The following CORIN variants were observed in gnomAD, a reference collection of about 807,000 sequenced individuals.
The protein encoded by CORIN is corin, serine peptidase.
Under a neutral mutation model 125.3 loss-of-function variants are expected in CORIN, and 117 were observed. That is an observed-to-expected ratio of 0.93 (90% confidence interval 0.80 to 1.09). The LOEUF is 1.09. CORIN is among the 50% of genes least tolerant of loss of function. The pLI is 0.00. For missense variants in CORIN, 1,253 were observed against 1,306.7 expected (o/e 0.96, Z 0.63); for synonymous variants, 450 against 466.4 (o/e 0.96, Z 0.45).
At chr4:47,696,996 T>A (rs1726041637) in intron 5 of CORIN, among the ~76,000 whole-genome samples, 1 of 152,204 alleles carries the variant, frequency 6.6e-6, no homozygotes, top group African/African-American at 2.4e-5. Context: ...CAGTTTCAAC[T>A]CCACCTCGGA....
chr4:47,735,942 TAAAAAAAA>T (rs749270493), intron 5 of CORIN, among the ~76,000 whole-genome samples: 1 of 96,408 alleles, frequency 1.0e-5, no homozygotes, highest in Admixed American at 1.1e-4. Context: ...GACTCCATCT[TAAAAAAAA>T]AAAAAAAAAA....
chr4:47,729,969 G>A (rs770033658), intron 5 of CORIN, among the ~76,000 whole-genome samples: 32 of 152,122 alleles, frequency 2.1e-4, no homozygotes, highest in Admixed American at 8.5e-4. Flanking sequence ...CCCTGCTTCC[G>A]GCTCCCCATC....
intron 5 of CORIN, among the ~76,000 whole-genome samples, chr4:47,702,084 G>A (rs1029555913): frequency 1.1e-4 from 17 of 152,038 alleles, no homozygotes; most frequent in African/African-American, 3.4e-4. Context: ...GCTACCTTCC[G>A]AATTTGTTTT....
intron 5 of CORIN, among the ~76,000 whole-genome samples, chr4:47,733,962 G>A (rs1180230878): frequency 7.9e-5 from 12 of 152,100 alleles, no homozygotes; most frequent in Non-Finnish European, 1.8e-4. Context: ...GTGGGTTTTG[G>A]CTCGATTCAC....
intron 5 of CORIN, among the ~76,000 whole-genome samples, chr4:47,704,632 T>C (rs1726464829): frequency 6.6e-6 from 1 of 152,116 alleles, no homozygotes; most frequent in Non-Finnish European, 1.5e-5. Context: ...ATTGAGCAGA[T>C]AACGGGAAGT....
intron 15 of CORIN, 30 bp from the exon 16 acceptor site, chr4:47,642,079 A>G: frequency 6.2e-7 from 1 of 1,603,594 alleles, no homozygotes; most frequent in East Asian, 2.2e-5. Context: ...GGGAAACCCT[A>G]ATTAAAAACA....
At chr4:47,689,489 A>G (rs1430709193) in intron 6 of CORIN, among the ~76,000 whole-genome samples, 1 of 152,182 alleles carries the variant, frequency 6.6e-6, no homozygotes, top group East Asian at 1.9e-4. Context: ...CACCATCCTC[A>G]AAAATAAGTC....
chr4:47,615,104 C>G (rs1722024052), intron 19 of CORIN, among the ~76,000 whole-genome samples: 1 of 152,020 alleles, frequency 6.6e-6, no homozygotes, highest in South Asian at 2.1e-4. Flanking sequence ...ACAGCAAATA[C>G]AAAAGTCCTG....
chr4:47,753,542 C>A (rs1460290803), intron 4 of CORIN, among the ~76,000 whole-genome samples: 1 of 152,028 alleles, frequency 6.6e-6, no homozygotes, highest in African/African-American at 2.4e-5. Context: ...CGTTTATAGA[C>A]CTCCCCCCAG....
chr4:47,656,116 A>C (rs2109650451), intron 12 of CORIN, among the ~76,000 whole-genome samples: 1 of 152,092 alleles, frequency 6.6e-6, no homozygotes, highest in African/African-American at 2.4e-5. Context: ...TGAATTCAAC[A>C]ACACATTAAA....
chr4:47,690,284 T>C (rs758353164), intron 6 of CORIN, among the ~76,000 whole-genome samples: 2 of 152,214 alleles, frequency 1.3e-5, no homozygotes, highest in Non-Finnish European at 2.9e-5. Flanking sequence ...TTTTGAACCA[T>C]TTAAGACTGG....
chr4:47,780,801 T>C lies in CORIN; in HGVS notation c.409+5924A>G, dbSNP rs979928299. Among the ~76,000 whole-genome samples, 10 of 152,282 alleles carry C rather than the reference T, an allele frequency of 6.6e-5. No individual in the cohort carries two copies. In the East Asian group the frequency reaches 1.3e-3, roughly 21 times the overall value. ...ACAGAGTTTTTGTTTGTTATTGAAG[T>C]TAAACTGGTATAAATTCAAGTTAGA... On this transcript the variant is annotated intron_variant, in intron 3 of 21. Coordinates refer to ENST00000273857, the MANE Select transcript of CORIN (RefSeq NM_006587.4).
At chr4:47,802,980 C>G (rs1262270438) in intron 2 of CORIN, among the ~76,000 whole-genome samples, 5 of 152,156 alleles carry the variant, frequency 3.3e-5, no homozygotes, top group African/African-American at 1.2e-4. Flanking sequence ...CCTGGCAATT[C>G]AGAGAATTCT....
At chr4:47,744,960 T>C (rs1321309729) in intron 4 of CORIN, among the ~76,000 whole-genome samples, 1 of 152,178 alleles carries the variant, frequency 6.6e-6, no homozygotes, top group East Asian at 1.9e-4. Flanking sequence ...GTCAAAAATA[T>C]GTTATTCTTG....
intron 1 of CORIN, among the ~76,000 whole-genome samples, chr4:47,824,387 C>T (rs565243459): frequency 2.0e-5 from 3 of 151,924 alleles, no homozygotes; most frequent in Non-Finnish European, 2.9e-5. Flanking sequence ...TAAAACAACT[C>T]GGACCACTGA....
At chr4:47,706,919 A>G in intron 5 of CORIN, 1 of 1,599,872 alleles carries the variant, frequency 6.3e-7, no homozygotes, top group South Asian at 1.1e-5. Context: ...GTTCCACCAC[A>G]CTATTTGTGG....
intron 5 of CORIN, among the ~76,000 whole-genome samples, chr4:47,717,813 T>A (rs2109790015): frequency 6.6e-6 from 1 of 152,328 alleles, no homozygotes; most frequent in South Asian, 2.1e-4. Context: ...GTATATTTTA[T>A]GATTGCAGGT....
intron 16 of CORIN, among the ~76,000 whole-genome samples, chr4:47,639,167 G>A (rs772665914): frequency 1.3e-5 from 2 of 152,080 alleles, no homozygotes; most frequent in Non-Finnish European, 1.5e-5. Flanking sequence ...ACACTACAAT[G>A]CCGTTCTCTA....
chr4:47,606,639 C>G (rs748537505), intron 19 of CORIN, among the ~76,000 whole-genome samples: 1 of 150,370 alleles, frequency 6.7e-6, no homozygotes, highest in Non-Finnish European at 1.5e-5. Flanking sequence ...TTCTTTCCCT[C>G]CTTCCTTTCT....
Sources: allele counts gnomAD v4.1 joint callset (sites outside exome capture counted in the v4.1 genomes callset), GRCh38; gene constraint gnomAD v4.1.1; transcripts MANE v1.5; gene names NCBI Gene and HGNC (gene_info 2026-07-23, HGNC 2026-07-21).